Variants in KIAA1217 observed in about 807,000 individuals in gnomAD.
The protein encoded by KIAA1217 is KIAA1217.
Under a neutral mutation model 163.9 loss-of-function variants are expected in KIAA1217, and 88 were observed. The observed-to-expected ratio is 0.54, with a 90% CI of 0.45 to 0.64. The LOEUF is 0.64. Ranked by LOEUF, KIAA1217 falls within the 30% of genes least tolerant of loss-of-function variation. The pLI, the probability that KIAA1217 is intolerant of heterozygous loss-of-function variation, is 0.00. For synonymous variants in KIAA1217, 903 were observed against 923.1 expected, an observed-to-expected ratio of 0.98 and a Z score of 0.39; for missense variants, 2,372 against 2,475.0, an observed-to-expected ratio of 0.96 and a Z score of 0.88.
chr10:24,152,045 T>G lies in KIAA1217; in HGVS notation c.-170-67581T>G, dbSNP rs1378019036. On this transcript the variant is annotated intron_variant, in intron 2 of 18. Coordinates refer to the KIAA1217 transcript ENST00000376462. ...CCATAGGTCAGACCTAACATTCTAG[T>G]TCTCCTTCCTCCCTTCCCCGCTCCC... Among the ~76,000 whole-genome samples the G allele has an allele frequency of 5.3e-5, 8 of 152,204 alleles. No homozygotes were observed. The South Asian group carries it at 1.5e-3, about 28-fold the overall frequency.
chr10:24,502,212 C>T (rs982959587), intron 9 of KIAA1217, among the ~76,000 whole-genome samples: 34 of 133,978 alleles, frequency 2.5e-4, no homozygotes, highest in African/African-American at 9.8e-4. Context: ...CCACACTGAA[C>T]GGGGACAAAG....
chr10:24,541,315 T>A (rs1413539185), intron 17 of KIAA1217, among the ~76,000 whole-genome samples: 1 of 151,860 alleles, frequency 6.6e-6, no homozygotes, highest in Non-Finnish European at 1.5e-5. Flanking sequence ...TCATGGCACT[T>A]GTTTGGGGGC....
Position 23,848,973 on chromosome 10 carries a change from C to T in KIAA1217, c.-321+153739C>T, listed in dbSNP as rs1295780423. Among the ~76,000 whole-genome samples the T allele has an allele frequency of 2.0e-5, 3 of 152,034 alleles. No individual in the cohort carries two copies. In the East Asian group the frequency reaches 5.8e-4, roughly 29 times the overall value. On this transcript the variant is annotated intron_variant, in intron 1 of 18. Coordinates refer to the KIAA1217 transcript ENST00000376462. ...TATTCCTCTTTGACTAAATTATTAG[C>T]TCTAGTAGTGCAGAAATTGTGTCTA...
At chr10:23,856,763 A>G (rs942128622) in intron 1 of KIAA1217, among the ~76,000 whole-genome samples, 1 of 152,198 alleles carries the variant, frequency 6.6e-6, no homozygotes, top group Non-Finnish European at 1.5e-5. Context: ...TTGATCTCAG[A>G]CTGCTGTGCT....
rs137995672 is a variant in KIAA1217 at position 24,002,314 on chromosome 10, G to A, written c.-320-4911G>A. 3.1e-3 allele frequency among the ~76,000 whole-genome samples: 468 copies of A among 152,298 alleles called. 2 individuals are homozygous for A. The highest frequency in any genetic ancestry group is 4.2e-3 in the Admixed American group (65 of 15,304). On this transcript the variant is annotated intron_variant, in intron 1 of 18. Transcript: ENST00000376462. ...ATTCTTAGTCTCCTCTCTCCACAGA[G>A]CTCAGGCATAGGTTGTCCAGGGCTG...
At chr10:23,748,497 G>GAA (rs548779787) in intron 1 of KIAA1217, among the ~76,000 whole-genome samples, 1 of 141,524 alleles carries the variant, frequency 7.1e-6, no homozygotes, top group African/African-American at 2.7e-5. Context: ...AGGAAAGAAG[G>GAA]GAAAGGAGAG....
chr10:24,334,414 A>T (rs568070016), intron 2 of KIAA1217, among the ~76,000 whole-genome samples: 12 of 137,976 alleles, frequency 8.7e-5, no homozygotes, highest in African/African-American at 3.3e-4. Flanking sequence ...GGAAAGATGG[A>T]GGGGTGGAGG....
At chr10:24,425,756 T>C (rs1429618941) in intron 3 of KIAA1217, among the ~76,000 whole-genome samples, 1 of 152,206 alleles carries the variant, frequency 6.6e-6, no homozygotes, top group East Asian at 1.9e-4. Context: ...GTTGAATTAG[T>C]GCTTCAAACC....
At chr10:24,292,442 G>A (rs549657490) in intron 2 of KIAA1217, among the ~76,000 whole-genome samples, 3 of 152,288 alleles carry the variant, frequency 2.0e-5, no homozygotes, top group Admixed American at 2.0e-4. Context: ...TTTACAGGAA[G>A]GCCATTTGCC....
chr10:23,734,305 A>G (rs982287791), intron 1 of KIAA1217, among the ~76,000 whole-genome samples: 3 of 150,364 alleles, frequency 2.0e-5, no homozygotes, highest in African/African-American at 7.4e-5. Flanking sequence ...TTTTTTAAAT[A>G]AGACAGAGTC....
chr10:23,829,649 A>G (rs1307729949), intron 1 of KIAA1217, among the ~76,000 whole-genome samples: 1 of 152,136 alleles, frequency 6.6e-6, no homozygotes, highest in African/African-American at 2.4e-5. Flanking sequence ...TTTCCAAACT[A>G]TTATCAGTCA....
At chr10:24,373,086 A>C (rs2051914919) in intron 2 of KIAA1217, among the ~76,000 whole-genome samples, 1 of 152,150 alleles carries the variant, frequency 6.6e-6, no homozygotes, top group South Asian at 2.1e-4. Flanking sequence ...GTCTCCTGGG[A>C]CTTATAGTGA....
intron 2 of KIAA1217, among the ~76,000 whole-genome samples, chr10:24,111,581 C>T (rs1277264197): frequency 1.3e-5 from 2 of 152,266 alleles, no homozygotes; most frequent in East Asian, 3.9e-4. Flanking sequence ...AAAAAGTCCT[C>T]ACTGTGGATA....
At chr10:24,142,275 T>C (rs995266889) in intron 2 of KIAA1217, among the ~76,000 whole-genome samples, 1 of 152,220 alleles carries the variant, frequency 6.6e-6, no homozygotes, top group Non-Finnish European at 1.5e-5. Context: ...GAATCGAGTA[T>C]CAATTTAAGT....
chr10:24,483,324 A>T (rs1483606975), intron 6 of KIAA1217, among the ~76,000 whole-genome samples: 1 of 152,126 alleles, frequency 6.6e-6, no homozygotes, highest in Non-Finnish European at 1.5e-5. Flanking sequence ...CTGACTTGCT[A>T]CAGTGGTCTC....
intron 1 of KIAA1217, among the ~76,000 whole-genome samples, chr10:23,843,949 G>T (rs559857523): frequency 4.1e-4 from 63 of 152,180 alleles, no homozygotes; most frequent in African/African-American, 1.5e-3. Context: ...ATCTTTAGTG[G>T]TGTATGGAGT....
At chr10:23,888,224 G>T (rs1841266043) in intron 1 of KIAA1217, among the ~76,000 whole-genome samples, 1 of 151,906 alleles carries the variant, frequency 6.6e-6, no homozygotes, top group Non-Finnish European at 1.5e-5. Context: ...ACACCTGTCT[G>T]ACATTAAACC....
At chr10:23,783,503 A>G (rs1056183708) in intron 1 of KIAA1217, among the ~76,000 whole-genome samples, 2 of 152,124 alleles carry the variant, frequency 1.3e-5, no homozygotes, top group African/African-American at 4.8e-5. Context: ...TATTTATAAG[A>G]GATATTGACT....
intron 2 of KIAA1217, among the ~76,000 whole-genome samples, chr10:24,349,132 CAAAA>C (rs11318554): frequency 1.3e-4 from 14 of 105,534 alleles, no homozygotes; most frequent in Non-Finnish European, 2.1e-4. Flanking sequence ...GACCCTGTCT[CAAAA>C]AAAAAAAAAA....
Sources: allele counts gnomAD v4.1 joint callset (sites outside exome capture counted in the v4.1 genomes callset), GRCh38; gene constraint gnomAD v4.1.1; transcripts MANE v1.5; gene names NCBI Gene and HGNC (gene_info 2026-07-23, HGNC 2026-07-21).